ZNF566: variants seen among roughly 807,000 people sequenced by gnomAD.
The protein encoded by ZNF566 is zinc finger protein 566.
Under a neutral mutation model 32.8 loss-of-function variants are expected in ZNF566, and 27 were observed. That is an observed-to-expected ratio of 0.82 (90% CI 0.61 to 1.14). The LOEUF is 1.14. ZNF566 is among the 50% of genes most tolerant of loss of function. The pLI, the probability that ZNF566 is intolerant of heterozygous loss-of-function variation, is 0.00. For synonymous variants in ZNF566, 154 were observed against 159.5 expected (o/e 0.97, Z 0.26); for missense variants, 402 against 490.4 (o/e 0.82, Z 1.70).
At chr19:36,460,140 T>C (rs1036942618) in intron 4 of ZNF566, among the ~76,000 whole-genome samples, 3 of 152,018 alleles carry the variant, frequency 2.0e-5, no homozygotes, top group East Asian at 3.9e-4. Flanking sequence ...TAGGGTCTCA[T>C]AGAATAATAT....
At chr19:36,478,226 A>ATAT (rs978150883) in intron 1 of ZNF566, among the ~76,000 whole-genome samples, 1 of 152,120 alleles carries the variant, frequency 6.6e-6, no homozygotes, top group African/African-American at 2.4e-5. Flanking sequence ...ATGCACGCTG[A>ATAT]TATTATTATT....
intron 4 of ZNF566, among the ~76,000 whole-genome samples, chr19:36,452,170 T>G (rs2033175580): frequency 6.6e-6 from 1 of 152,030 alleles, no homozygotes; most frequent in African/African-American, 2.4e-5. Flanking sequence ...GGTACAGCTT[T>G]GTAAACTATT....
chr19:36,476,861 AT>A (rs886894978), intron 1 of ZNF566, among the ~76,000 whole-genome samples: 1 of 152,124 alleles, frequency 6.6e-6, no homozygotes, highest in African/African-American at 2.4e-5. Flanking sequence ...ATACATATAG[AT>A]TTTTTTAACT....
At chr19:36,456,021 A>G (rs2033299927) in intron 4 of ZNF566, among the ~76,000 whole-genome samples, 1 of 151,984 alleles carries the variant, frequency 6.6e-6, no homozygotes, top group African/African-American at 2.4e-5. Flanking sequence ...ACTGGGTGAC[A>G]GAGCGAGACT....
chr19:36,468,973 G>C (rs2033694597), intron 4 of ZNF566, among the ~76,000 whole-genome samples: 1 of 151,336 alleles, frequency 6.6e-6, no homozygotes, highest in African/African-American at 2.5e-5. Context: ...TTATTATTTT[G>C]CAAAGTCCAT....
Position 36,449,664 on chromosome 19 carries a change from C to A in ZNF566, c.570G>T (p.Glu190Asp). 1 of 1,614,046 alleles carries A rather than the reference C, an allele frequency of 6.2e-7. No individual in the cohort carries two copies. Among genetic ancestry groups the A allele is most frequent in the Non-Finnish European group, 8.5e-7 (1 of 1,180,006 alleles). The change falls in exon 5 of 5, where the codon GAG becomes GAT. Residue 190 changes from glutamate to aspartate, a missense_variant. Physicochemically the swap from Glu to Asp is conservative, Grantham distance 45. Transcript: ENST00000452939. The stretch of plus-strand genomic sequence containing the variant: ...AAGGCTTCTCAATGGTATGAATTAT[C>A]TCATGTGTAGCAAACTGTGAGCCAT... ...FRHGSQFATHEIIHTIEKPYE... is the reference protein window; with the variant it reads ...FRHGSQFATHDIIHTIEKPYE...
chr19:36,473,473 A>G lies in ZNF566; in HGVS notation c.10-15T>C. 6.5e-7 allele frequency: 1 copy of G among 1,539,388 alleles called. No homozygotes were observed. The highest frequency in any genetic ancestry group is 1.3e-5 in the South Asian group (1 of 79,224). On this transcript the variant is annotated splice_polypyrimidine_tract_variant and intron_variant, in intron 2 of 4. Transcript: ENST00000452939. ...ATCACTGACTCCTGGAACAATAACC[A>G]CGTATATGACTTCATTAATTTTTTA...
chr19:36,476,625 G>A lies in ZNF566; in HGVS notation c.-59-9C>T. Reference sequence around the variant, plus strand: ...TTTGGAGAAGGGTAGAGCTGGGAGAGGCAAAAGAAGATAGATAAGACCCCA... The same window carrying A: ...TTTGGAGAAGGGTAGAGCTGGGAGAAGCAAAAGAAGATAGATAAGACCCCA... On this transcript the variant is annotated splice_polypyrimidine_tract_variant and intron_variant, in intron 1 of 4. Coordinates refer to ENST00000452939, the MANE Select transcript of ZNF566 (RefSeq NM_001145344.1). The A allele has an allele frequency of 1.2e-6, 2 of 1,605,124 alleles. No individual in the cohort carries two copies. The highest frequency in any genetic ancestry group is 1.7e-4 in the Middle Eastern group (1 of 6,020).
At chr19:36,456,203 G>C (rs1268906164) in intron 4 of ZNF566, among the ~76,000 whole-genome samples, 3 of 151,230 alleles carry the variant, frequency 2.0e-5, no homozygotes, top group Non-Finnish European at 4.4e-5. Context: ...ATTTAACAAA[G>C]GAAATCTGTA....
chr19:36,477,526 G>GGTTTTTT (rs2033919341), intron 1 of ZNF566, among the ~76,000 whole-genome samples: 4 of 107,002 alleles, frequency 3.7e-5, no homozygotes, highest in Admixed American at 8.9e-5. Flanking sequence ...TTCTGTTTCT[G>GGTTTTTT]TTTTTTTTTT....
At chr19:36,473,043 G>T in intron 3 of ZNF566, 37 bp from the exon 4 acceptor site, 4 of 1,558,492 alleles carry the variant, frequency 2.6e-6, no homozygotes, top group South Asian at 1.1e-5. Flanking sequence ...AATTTATCAT[G>T]AGCATATCCT....
At chr19:36,459,010 C>T (rs142011848) in intron 4 of ZNF566, among the ~76,000 whole-genome samples, 1,867 of 151,558 alleles carry the variant, frequency 0.012, 26 homozygotes, top group Non-Finnish European at 0.018. Context: ...TGCACCACCA[C>T]GCCTGGCCAA....
In ZNF566 at chr19:36,476,715, T is replaced by C. The variant is rs1044156864; in HGVS notation, c.-59-99A>G. On this transcript the variant is annotated intron_variant, in intron 1 of 4. Coordinates refer to ENST00000452939, the MANE Select transcript of ZNF566 (RefSeq NM_001145344.1). ...TCTGTTCATGCTTCAGAAATGCTTG[T>C]GGGGTATCAGTGAGGAGAATGGGCA... 5 of 1,000,970 alleles carry C rather than the reference T, an allele frequency of 5.0e-6. No homozygotes were observed. In the East Asian group the frequency reaches 1.1e-4, roughly 21 times the overall value. The allele number at this position is 1,000,970 out of a possible 1,614,324, so 62.0% of individuals were successfully genotyped here.
At chr19:36,457,832 A>C (rs2033355353) in intron 4 of ZNF566, among the ~76,000 whole-genome samples, 1 of 152,352 alleles carries the variant, frequency 6.6e-6, no homozygotes, top group East Asian at 1.9e-4. Flanking sequence ...CGGAGGTTGC[A>C]GTGAGCTGAG....
intron 4 of ZNF566, among the ~76,000 whole-genome samples, chr19:36,458,140 T>C (rs1469326505): frequency 1.3e-5 from 2 of 152,044 alleles, no homozygotes; most frequent in African/African-American, 4.8e-5. Context: ...GGAAAAAAAA[T>C]CTGCATTCTT....
Position 36,447,973 on chromosome 19 carries a change from T to C in ZNF566, c.*1004A>G, listed in dbSNP as rs1441853814. On this transcript the variant is annotated 3_prime_UTR_variant, in exon 5 of 5. Transcript: ENST00000452939. Reference sequence around the variant, plus strand: ...ACATTCAGTGAGTATGTATTTATCATGTCAGGCACAATTCTAAGCACTTTA... The same window carrying C: ...ACATTCAGTGAGTATGTATTTATCACGTCAGGCACAATTCTAAGCACTTTA... 1 of 152,192 alleles carries C rather than the reference T, an allele frequency of 6.6e-6. No homozygotes were observed. Among genetic ancestry groups the C allele is most frequent in the Non-Finnish European group, 1.5e-5 (1 of 68,026 alleles). The allele number at this position is 152,192 out of a possible 1,614,324, so 9.4% of individuals were successfully genotyped here.
intron 1 of ZNF566, among the ~76,000 whole-genome samples, chr19:36,488,871 C>G (rs1419184881): frequency 1.3e-5 from 2 of 152,154 alleles, no homozygotes; most frequent in African/African-American, 2.4e-5. Flanking sequence ...GTGTGACTTA[C>G]CCTGCCACAC....
intron 4 of ZNF566, among the ~76,000 whole-genome samples, chr19:36,465,799 T>G (rs2145670192): frequency 1.3e-5 from 2 of 152,026 alleles, no homozygotes; most frequent in African/African-American, 4.8e-5. Flanking sequence ...AGGGAAAAAT[T>G]TAATGGATAG....
chr19:36,474,977 A>T (rs2033849111), intron 2 of ZNF566, among the ~76,000 whole-genome samples: 1 of 152,176 alleles, frequency 6.6e-6, no homozygotes, highest in Non-Finnish European at 1.5e-5. Flanking sequence ...CCAGCTGTAA[A>T]TTCCCCTTAT....
Sources: gnomAD v4.1 joint callset for allele counts (sites outside exome capture counted in the v4.1 genomes callset) on GRCh38, gnomAD v4.1.1 for gene constraint, MANE v1.5 for transcripts, NCBI Gene and HGNC (gene_info 2026-07-23, HGNC 2026-07-21) for gene names.